Variants in SPIDR observed in about 807,000 individuals in gnomAD.
The protein encoded by SPIDR is scaffold protein involved in DNA repair, also known as DNA repair-scaffolding protein.
Under a neutral mutation model 104.6 loss-of-function variants are expected in SPIDR, and 93 were observed. That is an observed-to-expected ratio of 0.89 (90% confidence interval 0.75 to 1.06). The LOEUF (loss-of-function observed/expected upper bound fraction) is 1.06, where lower values mean the gene tolerates loss of function less well. Among genes scored for constraint, SPIDR ranks in the 50% least tolerant of loss-of-function variants. The pLI is 0.00. For missense variants in SPIDR, 1,154 were observed against 1,111.2 expected, an observed-to-expected ratio of 1.04 and a Z score of -0.55; for synonymous variants, 431 against 416.9, an observed-to-expected ratio of 1.03 and a Z score of -0.41.
intron 8 of SPIDR, among the ~76,000 whole-genome samples, chr8:47,472,522 G>A (rs533631132): frequency 5.3e-5 from 8 of 152,292 alleles, no homozygotes; most frequent in African/African-American, 1.9e-4. Flanking sequence ...GGTGTTCAAG[G>A]GTCAAGTAAA....
At chr8:47,592,379 A>G (rs1411306837) in intron 8 of SPIDR, 2 of 1,313,510 alleles carry the variant, frequency 1.5e-6, no homozygotes, top group East Asian at 2.3e-5. Flanking sequence ...TTAGGATGAT[A>G]AATTTTGGTC....
intron 14 of SPIDR, among the ~76,000 whole-genome samples, chr8:47,708,326 T>A (rs1167578962): frequency 6.6e-6 from 1 of 152,092 alleles, no homozygotes; most frequent in East Asian, 1.9e-4. Context: ...CAAAAAACTT[T>A]CCCTGATTAC....
chr8:47,434,469 A>G (rs1233807805), intron 7 of SPIDR, among the ~76,000 whole-genome samples: 1 of 152,220 alleles, frequency 6.6e-6, no homozygotes, highest in African/African-American at 2.4e-5. Flanking sequence ...CTTTTGGGAT[A>G]TCTCTGAAGA....
chr8:47,526,038 G>A (rs1220885852), intron 8 of SPIDR, among the ~76,000 whole-genome samples: 1 of 152,098 alleles, frequency 6.6e-6, no homozygotes, highest in Non-Finnish European at 1.5e-5. Flanking sequence ...GCATATAGTG[G>A]CACCAGCCTA....
At chr8:47,445,877 T>C (rs935406556) in intron 8 of SPIDR, among the ~76,000 whole-genome samples, 5 of 152,158 alleles carry the variant, frequency 3.3e-5, no homozygotes, top group African/African-American at 9.7e-5. Flanking sequence ...CTACAATTCT[T>C]TGAAGTCTGA....
chr8:47,342,892 A>G (rs1351811101), intron 5 of SPIDR, among the ~76,000 whole-genome samples: 1 of 152,144 alleles, frequency 6.6e-6, no homozygotes, highest in Non-Finnish European at 1.5e-5. Flanking sequence ...ATATGTACAT[A>G]ATTTATAAAA....
intron 14 of SPIDR, among the ~76,000 whole-genome samples, chr8:47,710,478 T>C (rs1174830165): frequency 6.6e-6 from 1 of 152,046 alleles, no homozygotes; most frequent in Non-Finnish European, 1.5e-5. Flanking sequence ...ACCTTTTTTT[T>C]TTTTTTTGAG....
At chr8:47,419,688 C>G (rs1212774873) in intron 7 of SPIDR, among the ~76,000 whole-genome samples, 3 of 152,116 alleles carry the variant, frequency 2.0e-5, no homozygotes, top group Non-Finnish European at 2.9e-5. Flanking sequence ...TCTTGCTTTT[C>G]TAGTTCTTTT....
At chr8:47,397,347 T>C (rs2061355306) in intron 6 of SPIDR, among the ~76,000 whole-genome samples, 1 of 151,726 alleles carries the variant, frequency 6.6e-6, no homozygotes, top group Admixed American at 6.6e-5. Flanking sequence ...AATACAAAAA[T>C]TAGCTGGGCG....
intron 5 of SPIDR, among the ~76,000 whole-genome samples, chr8:47,344,953 G>A (rs2154277439): frequency 6.6e-6 from 1 of 152,230 alleles, no homozygotes; most frequent in African/African-American, 2.4e-5. Flanking sequence ...CTTTTGCTGT[G>A]CAGAGCTCTT....
At chr8:47,571,390 T>A (rs2058508366) in intron 8 of SPIDR, among the ~76,000 whole-genome samples, 2 of 152,162 alleles carry the variant, frequency 1.3e-5, no homozygotes, top group South Asian at 4.1e-4. Flanking sequence ...TGTGTCCCTC[T>A]TATATGTATT....
At position 47,735,111 on chromosome 8, in the gene SPIDR, G is replaced by GGTGGGT. The variant is rs756347965; in HGVS notation, c.2605-193_2605-192insGGTGTG. Among the ~76,000 whole-genome samples, 557 of 135,246 alleles carry GGTGGGT rather than the reference G, an allele frequency of 4.1e-3. 2 individuals are homozygous for GGTGGGT. Among genetic ancestry groups the GGTGGGT allele is most frequent in the South Asian group, 0.023 (106 of 4,578 alleles). The allele number at this position is 135,246 out of a possible 152,430, so 88.7% of individuals were successfully genotyped here. A position where few individuals can be genotyped will look rare whatever the true frequency, so the allele number is the denominator to read the frequency against. On this transcript the variant is annotated intron_variant, in intron 19 of 19. Transcript: ENST00000297423. ...GGGTGTGTGGGTGTGTGTGTGTGTG[G>GGTGGGT]GTGTGTGTGTGTGTGTGTGTGTGTA... is the stretch of plus-strand genomic sequence containing the variant.
intron 7 of SPIDR, among the ~76,000 whole-genome samples, chr8:47,435,738 C>G (rs559395415): frequency 6.6e-6 from 1 of 152,190 alleles, no homozygotes. Context: ...CCTCAGAGTC[C>G]GTTTCTCAAC....
Position 47,673,733 on chromosome 8 carries a change from G to A in SPIDR, c.1545-68G>A. 3 of 1,605,660 alleles carry A rather than the reference G, an allele frequency of 1.9e-6. No individual in the cohort carries two copies. In the South Asian group the frequency reaches 3.3e-5, roughly 18 times the overall value. On this transcript the variant is annotated intron_variant, in intron 10 of 19. Transcript: ENST00000297423. ...TATAGTGGCTTTATAATGAAGAAGA[G>A]GGAAATCTTGATCTCTGTATTAATC...
chr8:47,542,795 A>T (rs772762472), intron 8 of SPIDR, among the ~76,000 whole-genome samples: 1 of 152,182 alleles, frequency 6.6e-6, no homozygotes, highest in Non-Finnish European at 1.5e-5. Flanking sequence ...AATAGTTTCA[A>T]CACCAAAGGA....
At chr8:47,433,711 T>C (rs565085638) in intron 7 of SPIDR, among the ~76,000 whole-genome samples, 3 of 152,358 alleles carry the variant, frequency 2.0e-5, no homozygotes, top group South Asian at 2.1e-4. Context: ...TGGTCAGATA[T>C]TGAATTTTGT....
chr8:47,441,310 T>C (rs537434805), intron 8 of SPIDR, among the ~76,000 whole-genome samples: 1 of 152,316 alleles, frequency 6.6e-6, no homozygotes, highest in East Asian at 1.9e-4. Flanking sequence ...ACCTACTTTG[T>C]TGATCTAGAC....
At chr8:47,523,699 G>C (rs1263079751) in intron 8 of SPIDR, among the ~76,000 whole-genome samples, 1 of 152,234 alleles carries the variant, frequency 6.6e-6, no homozygotes. Context: ...CATAGTGCTG[G>C]GCAGCCTCTG....
intron 8 of SPIDR, among the ~76,000 whole-genome samples, chr8:47,574,742 G>C (rs1413697544): frequency 6.7e-6 from 1 of 148,528 alleles, no homozygotes; most frequent in East Asian, 2.1e-4. Flanking sequence ...AGTAAGACTC[G>C]ATCTTGAGAA....
Sources: gnomAD v4.1 joint callset for allele counts (sites outside exome capture counted in the v4.1 genomes callset) on GRCh38, gnomAD v4.1.1 for gene constraint, MANE v1.5 for transcripts, NCBI Gene and HGNC (gene_info 2026-07-23, HGNC 2026-07-21) for gene names.